The following CNOT2 variants were observed in gnomAD, a reference collection of about 807,000 sequenced individuals.
CNOT2 encodes the protein CC chemokine receptor 4-negative regulator of transcription 2.
CNOT2 carries 7 observed loss-of-function variants against 72.1 expected under a neutral mutation model. The observed-to-expected ratio is 0.10, with a 90% CI of 0.06 to 0.18. The LOEUF (loss-of-function observed/expected upper bound fraction) is 0.18. CNOT2 is among the 10% of genes least tolerant of loss of function. CNOT2 has a pLI of 1.00. For synonymous variants in CNOT2, 196 were observed against 225.6 expected (o/e 0.87, Z 1.17); for missense variants, 345 against 660.3 (o/e 0.52, Z 5.23).
intron 1 of CNOT2, among the ~76,000 whole-genome samples, chr12:70,253,504 G>A (rs547911326): frequency 3.6e-4 from 55 of 152,150 alleles, no homozygotes; most frequent in Non-Finnish European, 5.9e-5. Context: ...CATTGAGTAC[G>A]TGCTCATCTT....
rs1047823484 is a variant in CNOT2, at chr12:70,305,880, T to G, written c.49-5015T>G. Among the ~76,000 whole-genome samples, 39 of 147,884 alleles carry G rather than the reference T, an allele frequency of 2.6e-4. 1 individual carries two copies. Among genetic ancestry groups the G allele is most frequent in the African/African-American group, 6.9e-4 (28 of 40,300 alleles). On this transcript the variant is annotated intron_variant, in intron 2 of 15. Coordinates refer to ENST00000229195, the MANE Select transcript of CNOT2 (RefSeq NM_014515.7). ...TTATTTTATCTGAAGTTTGTTTTTT[T>G]TTTTTTTTTTTTTTGGTAAATTTCT...
chr12:70,276,863 C>T (rs1046088499), intron 1 of CNOT2, among the ~76,000 whole-genome samples: 1 of 151,976 alleles, frequency 6.6e-6, no homozygotes, highest in Non-Finnish European at 1.5e-5. Context: ...ATACAACTCC[C>T]ACTACCTTTG....
At chr12:70,350,063 CT>C (rs1162559136) in intron 15 of CNOT2, among the ~76,000 whole-genome samples, 1 of 151,796 alleles carries the variant, frequency 6.6e-6, no homozygotes, top group Non-Finnish European at 1.5e-5. Context: ...TACTCATTAA[CT>C]TTTTAGCAGG....
At chr12:70,244,985 A>G (rs934227326) in intron 1 of CNOT2, among the ~76,000 whole-genome samples, 2 of 152,212 alleles carry the variant, frequency 1.3e-5, no homozygotes, top group African/African-American at 4.8e-5. Flanking sequence ...ATCCATTTAC[A>G]TGCAAGGTTG....
chr12:70,253,111 CTCTG>C (rs1958232090), intron 1 of CNOT2, among the ~76,000 whole-genome samples: 1 of 152,158 alleles, frequency 6.6e-6, no homozygotes, highest in African/African-American at 2.4e-5. Context: ...CGTCATATTG[CTCTG>C]TCTGTAGTAC....
At chr12:70,261,836 T>A (rs1015913327) in intron 1 of CNOT2, among the ~76,000 whole-genome samples, 1 of 145,318 alleles carries the variant, frequency 6.9e-6, no homozygotes, top group Non-Finnish European at 1.5e-5. Context: ...GGCCTGAGAT[T>A]TTTTTTTTTT....
At chr12:70,311,514 GA>G (rs1248723795) in intron 3 of CNOT2, among the ~76,000 whole-genome samples, 2 of 151,846 alleles carry the variant, frequency 1.3e-5, no homozygotes, top group African/African-American at 4.8e-5. Context: ...GAAAAATTTG[GA>G]AGAACTGTAT....
intron 2 of CNOT2, among the ~76,000 whole-genome samples, chr12:70,295,362 T>C (rs1477661426): frequency 6.6e-6 from 1 of 152,152 alleles, no homozygotes; most frequent in African/African-American, 2.4e-5. Flanking sequence ...CTCCCTTTTT[T>C]TCTTGAGTTT....
chr12:70,307,306 C>T (rs1293642888), intron 2 of CNOT2, among the ~76,000 whole-genome samples: 5 of 152,170 alleles, frequency 3.3e-5, no homozygotes, highest in African/African-American at 7.2e-5. Context: ...GACTTAAACA[C>T]GTACAGCTGT....
chr12:70,284,799 A>C (rs909211840), intron 2 of CNOT2, among the ~76,000 whole-genome samples: 2 of 152,202 alleles, frequency 1.3e-5, no homozygotes, highest in Non-Finnish European at 2.9e-5. Context: ...TTTTCCAAAA[A>C]ATAAGTTTCA....
chr12:70,303,613 T>C (rs1367253341), intron 2 of CNOT2, among the ~76,000 whole-genome samples: 1 of 152,214 alleles, frequency 6.6e-6, no homozygotes, highest in African/African-American at 2.4e-5. Flanking sequence ...CTTCCCTTTG[T>C]GGGTAACCCG....
chr12:70,283,467 T>TAGATAGATA (rs1555192629), intron 2 of CNOT2, among the ~76,000 whole-genome samples: 5 of 142,458 alleles, frequency 3.5e-5, no homozygotes, highest in Non-Finnish European at 7.6e-5. Flanking sequence ...GTCAGTCGAT[T>TAGATAGATA]GATAGATAGA....
At chr12:70,335,826 T>C in intron 8 of CNOT2, 1 of 263,998 alleles carries the variant, frequency 3.8e-6, no homozygotes, top group Non-Finnish European at 7.2e-6. Context: ...GTTATTTTCT[T>C]CTGTTATCCC....
intron 2 of CNOT2, among the ~76,000 whole-genome samples, chr12:70,300,607 GT>G (rs1160117030): frequency 1.6e-4 from 24 of 152,312 alleles, no homozygotes; most frequent in African/African-American, 5.5e-4. Context: ...GTACCATGCT[GT>G]TTTGGTTACT....
intron 1 of CNOT2, among the ~76,000 whole-genome samples, chr12:70,251,294 A>G (rs1958132447): frequency 6.6e-6 from 1 of 152,068 alleles, no homozygotes; most frequent in Non-Finnish European, 1.5e-5. Flanking sequence ...GTTGGCTTCA[A>G]GGAGGTGATA....
intron 2 of CNOT2, among the ~76,000 whole-genome samples, chr12:70,308,725 T>C (rs2135948747): frequency 6.6e-6 from 1 of 152,220 alleles, no homozygotes; most frequent in Middle Eastern, 3.4e-3. Flanking sequence ...ATATTAAGCA[T>C]AAAAATTTTA....
intron 13 of CNOT2, among the ~76,000 whole-genome samples, chr12:70,342,607 G>A (rs184014508): frequency 5.0e-4 from 76 of 151,920 alleles, no homozygotes; most frequent in African/African-American, 1.7e-3. Flanking sequence ...AAAGATTTTC[G>A]TTACAAGTAT....
chr12:70,314,735 G>A (rs1296620269), intron 3 of CNOT2, among the ~76,000 whole-genome samples: 1 of 152,118 alleles, frequency 6.6e-6, no homozygotes, highest in Non-Finnish European at 1.5e-5. Context: ...CCTAGTAGAT[G>A]CATATCATCA....
intron 1 of CNOT2, among the ~76,000 whole-genome samples, chr12:70,261,777 G>T (rs1958778604): frequency 6.6e-6 from 1 of 151,622 alleles, no homozygotes; most frequent in East Asian, 1.9e-4. Context: ...GTGAAGAATT[G>T]GTATCAGTTT....
Sources: allele counts gnomAD v4.1 joint callset (sites outside exome capture counted in the v4.1 genomes callset), GRCh38; gene constraint gnomAD v4.1.1; transcripts MANE v1.5; gene names NCBI Gene and HGNC (gene_info 2026-07-23, HGNC 2026-07-21).